STK11IP: variants seen among roughly 807,000 people sequenced by gnomAD.
The protein encoded by STK11IP is serine/threonine kinase 11 interacting protein.
STK11IP carries 103 observed loss-of-function variants against 131.7 expected under a neutral mutation model. That is an observed-to-expected ratio of 0.78 (90% confidence interval 0.67 to 0.92). The LOEUF (loss-of-function observed/expected upper bound fraction) is 0.92. Ranked by LOEUF, STK11IP falls within the 40% of genes least tolerant of loss-of-function variation. The probability of loss-of-function intolerance (pLI) is 0.00; values close to 1 mark genes in which losing one functional copy is unlikely to be tolerated. For synonymous variants in STK11IP, 557 were observed against 575.6 expected (o/e 0.97, Z 0.46); for missense variants, 1,315 against 1,385.7 (o/e 0.95, Z 0.81).
At chr2:219,607,500 A>G (rs1247742843) in intron 13 of STK11IP, among the ~76,000 whole-genome samples, 1 of 151,918 alleles carries the variant, frequency 6.6e-6, no homozygotes, top group African/African-American at 2.4e-5. Context: ...TCTACAAAAA[A>G]ATTTTTAAAT....
chr2:219,605,455 A>T, intron 7 of STK11IP, 153 bp from the exon 8 acceptor site: 1 of 696,218 alleles, frequency 1.4e-6, no homozygotes, highest in Non-Finnish European at 2.4e-6. Context: ...CAAGTCTTTT[A>T]ACGTGGGAGT....
chr2:219,615,312 G>A lies in STK11IP; in HGVS notation c.3088G>A (p.Glu1030Lys). 2 of 1,602,502 alleles carry A rather than the reference G, an allele frequency of 1.2e-6. No homozygotes were observed. Among genetic ancestry groups the A allele is most frequent in the Non-Finnish European group, 1.7e-6 (2 of 1,179,324 alleles). Residue 1030 changes from glutamate to lysine, a missense_variant, in exon 24 of 25, where the codon GAG becomes AAG. Coordinates refer to ENST00000456909, the MANE Select transcript of STK11IP (RefSeq NM_052902.4). The part of the protein sequence containing the change: ...SSVLLYRSAP[E>K]DLRLLFYDEV... ...CGTGCTGCTCTACCGCTCAGCCCCT[G>A]AGGACTTGCGGCTGCTCTTCTACGA... is the stretch of plus-strand genomic sequence containing the variant.
rs1429521528 is a variant in STK11IP, at chr2:219,608,437, C to T, written c.1603+7C>T. ...GACCAGAAGGAAGTGGAAGGTGAGCCCTTTGTGGGCTGGGGCGAGCTGAGG... is the reference window on the plus strand; with the variant it reads ...GACCAGAAGGAAGTGGAAGGTGAGCTCTTTGTGGGCTGGGGCGAGCTGAGG... On this transcript the variant is annotated splice_region_variant and intron_variant, in intron 14 of 24. Coordinates refer to ENST00000456909, the MANE Select transcript of STK11IP (RefSeq NM_052902.4). The T allele has an allele frequency of 6.4e-7, 1 of 1,550,392 alleles. No individual in the cohort carries two copies. Among genetic ancestry groups the T allele is most frequent in the South Asian group, 1.2e-5 (1 of 81,668 alleles).
In STK11IP at chr2:219,616,407, C is replaced by A; in HGVS notation, c.*214C>A. 1.8e-6 allele frequency: 1 copy of A among 569,362 alleles called. No individual in the cohort carries two copies. Among genetic ancestry groups the A allele is most frequent in the Admixed American group, 3.1e-5 (1 of 32,256 alleles). The allele number at this position is 569,362 out of a possible 1,614,324, so 35.3% of individuals were successfully genotyped here. On this transcript the variant is annotated 3_prime_UTR_variant, in exon 25 of 25. Transcript: ENST00000456909. ...CCACCTGGTCAGGAGGAATATTTTT[C>A]CTGCACTTTTTCTCAGGTATCAATA...
At position 219,601,396 on chromosome 2, in the gene STK11IP, C is replaced by T. The variant is rs775065155; in HGVS notation, c.223C>T (p.Leu75Phe). ...HPADSPVILQLQFLFDVLQKT... is the reference protein window; with the variant it reads ...HPADSPVILQFQFLFDVLQKT... The stretch of plus-strand genomic sequence containing the variant: ...TGCCGACTCCCCTGTTATTCTTCAG[C>T]TTCAGTTTCTCTTCGATGTGCTGCA... Residue 75 changes from leucine to phenylalanine, a missense_variant, in exon 3 of 25, where the codon CTT becomes TTT. Coordinates refer to ENST00000456909, the MANE Select transcript of STK11IP (RefSeq NM_052902.4). The T allele has an allele frequency of 6.2e-7, 1 of 1,614,044 alleles. No individual in the cohort carries two copies. Among genetic ancestry groups the T allele is most frequent in the Non-Finnish European group, 8.5e-7 (1 of 1,179,918 alleles).
At chr2:219,614,958 C>T in intron 23 of STK11IP, 136 bp from the exon 24 acceptor site, 1 of 1,098,504 alleles carries the variant, frequency 9.1e-7, no homozygotes, top group Non-Finnish European at 1.3e-6. Flanking sequence ...GGGTCTTGGC[C>T]CCAGGGGCAC....
chr2:219,614,097 G>A (rs1267308046), intron 21 of STK11IP, 64 bp from the exon 22 acceptor site: 2 of 1,583,318 alleles, frequency 1.3e-6, no homozygotes, highest in Non-Finnish European at 1.7e-6. Flanking sequence ...GGGATTGAGA[G>A]GTGGTGAGTT....
chr2:219,601,192 C>A, intron 2 of STK11IP, 43 bp from the exon 3 acceptor site: 2 of 1,534,190 alleles, frequency 1.3e-6, no homozygotes, highest in Non-Finnish European at 1.8e-6. Context: ...AGAGAAAAAT[C>A]TTTTCACTGT....
chr2:219,604,034 T>G (rs929095168), intron 7 of STK11IP, among the ~76,000 whole-genome samples: 11 of 152,174 alleles, frequency 7.2e-5, no homozygotes, highest in Non-Finnish European at 1.2e-4. Context: ...GAAGCCCTTC[T>G]GGGTTTGCTA....
chr2:219,598,417 T>C (rs1353854096), intron 2 of STK11IP: 2 of 455,566 alleles, frequency 4.4e-6, no homozygotes, highest in Non-Finnish European at 7.7e-6. Flanking sequence ...CCGTGCCTTC[T>C]CTGACACTGT....
rs918514505 is a variant in STK11IP, at chr2:219,614,772, CT to C, written c.2869+227del. On this transcript the variant is annotated intron_variant, in intron 23 of 24. Transcript: ENST00000456909. ...GATCCTCAGTTACCCAGAGCCTTTG[CT>C]CTCGGGCCCAGGCTTTCTATGAAGT... The C allele has an allele frequency of 4.3e-5, 30 of 698,458 alleles. No individual in the cohort carries two copies. The African/African-American group carries it at 4.4e-4, about 10-fold the overall frequency. The allele number at this position is 698,458 out of a possible 1,614,324, so 43.3% of individuals were successfully genotyped here.
At chr2:219,614,006 T>C in intron 21 of STK11IP, 76 bp downstream of exon 21, 17 of 1,502,090 alleles carry the variant, frequency 1.1e-5, no homozygotes, top group Non-Finnish European at 1.5e-5. Flanking sequence ...CCCCACCTGG[T>C]ACCCAGTAGC....
Position 219,606,767 on chromosome 2 carries a change from G to A in STK11IP, c.1043G>A (p.Gly348Glu), listed in dbSNP as rs1204026994. ...PMGPPLPWPV[G>E]STPETSGGPD... Reference sequence around the variant, plus strand: ...GGCCCACCTTTGCCCTGGCCAGTGGGGAGTACTCCTGAAACCTCAGGTGGC... The same window carrying A: ...GGCCCACCTTTGCCCTGGCCAGTGGAGAGTACTCCTGAAACCTCAGGTGGC... The change falls in exon 12 of 25, where the codon GGG (glycine) becomes GAG (glutamate). Residue 348 changes from glycine to glutamate, a missense_variant. Transcript: ENST00000456909. 6.2e-7 allele frequency: 1 copy of A among 1,613,818 alleles called. No individual in the cohort carries two copies. Among genetic ancestry groups the A allele is most frequent in the Non-Finnish European group, 8.5e-7 (1 of 1,179,856 alleles).
chr2:219,609,249 G>C lies in STK11IP; in HGVS notation c.1926+36G>C, dbSNP rs748472851. The stretch of plus-strand genomic sequence containing the variant: ...CCAGAGTGGGGGCCCAGGAGGCTGT[G>C]GGGATTAAGAGAGCCAGAGGGAAGT... On this transcript the variant is annotated intron_variant, in intron 16 of 24. Transcript: ENST00000456909. 1.0e-5 allele frequency: 16 copies of C among 1,576,416 alleles called. No individual in the cohort carries two copies. The African/African-American group carries it at 2.2e-4, about 21-fold the overall frequency.
intron 8 of STK11IP, 94 bp from the exon 9 acceptor site, chr2:219,605,862 G>T (rs1051204200): frequency 1.4e-6 from 2 of 1,479,710 alleles, no homozygotes; most frequent in Non-Finnish European, 9.2e-7. Flanking sequence ...TGCTCTGGCC[G>T]GTCTTTCTGC....
intron 17 of STK11IP, among the ~76,000 whole-genome samples, chr2:219,611,186 G>C (rs534721706): frequency 6.6e-6 from 1 of 152,334 alleles, no homozygotes; most frequent in African/African-American, 2.4e-5. Context: ...GATGGAGCCT[G>C]GAATTGGACC....
Position 219,615,296 on chromosome 2 carries a change from C to G in STK11IP, c.3072C>G (p.Leu1024=). Residue 1024 remains leucine, a synonymous_variant, in exon 24 of 25, where the codon CTC becomes CTG. Transcript: ENST00000456909. ...TCAGCAGCCTGAGCTCCGTGCTGCT[C>G]TACCGCTCAGCCCCTGAGGACTTGC... The part of the protein sequence containing the change: ...QPLSSLSSVL[L]YRSAPEDLRL... 6.2e-7 allele frequency: 1 copy of G among 1,602,618 alleles called. No individual in the cohort carries two copies. Among genetic ancestry groups the G allele is most frequent in the Non-Finnish European group, 8.5e-7 (1 of 1,179,454 alleles).
At position 219,615,559 on chromosome 2, in the gene STK11IP, C is replaced by T. The variant is rs190957779; in HGVS notation, c.3117+218C>T. 4.1e-5 allele frequency: 28 copies of T among 685,020 alleles called. No homozygotes were observed. The African/African-American group carries it at 4.3e-4, about 11-fold the overall frequency. 42.4% of individuals were successfully genotyped at this position (685,020 alleles called of 1,614,324 possible). A position where few individuals can be genotyped will look rare whatever the true frequency, so the allele number is the denominator to read the frequency against. On this transcript the variant is annotated intron_variant, in intron 24 of 24. Coordinates refer to ENST00000456909, the MANE Select transcript of STK11IP (RefSeq NM_052902.4). Reference sequence around the variant, plus strand: ...GCTGTAGGCAGGGGAGACACCTGGACTGGGAGCCCAGCCATTTAGCTGGGC... The same window carrying T: ...GCTGTAGGCAGGGGAGACACCTGGATTGGGAGCCCAGCCATTTAGCTGGGC...
At chr2:219,607,286 A>G (rs1698224542) in intron 13 of STK11IP, 149 bp downstream of exon 13, 2 of 788,108 alleles carry the variant, frequency 2.5e-6, no homozygotes, top group Admixed American at 6.2e-5. Context: ...CTTTTCTTTT[A>G]GTTTAGGGAA....
Sources: gnomAD v4.1 joint callset for allele counts (sites outside exome capture counted in the v4.1 genomes callset) on GRCh38, gnomAD v4.1.1 for gene constraint, MANE v1.5 for transcripts, NCBI Gene and HGNC (gene_info 2026-07-23, HGNC 2026-07-21) for gene names.